The following LINGO1 variants were observed in gnomAD, a reference collection of about 807,000 sequenced individuals.
LINGO1 encodes leucine rich repeat and Ig domain containing 1, also known as leucine-rich repeat and immunoglobulin-like domain-containing nogo receptor-interacting protein 1.
LINGO1 carries 11 observed loss-of-function variants against 37.3 expected under a neutral mutation model. The observed-to-expected ratio is 0.29, with a 90% CI of 0.19 to 0.49. The LOEUF is 0.49. LINGO1 is among the 20% of genes least tolerant of loss of function. The pLI is 0.99. For synonymous variants in LINGO1, 387 were observed against 403.0 expected (o/e 0.96, Z 0.48); for missense variants, 585 against 878.2 (o/e 0.67, Z 4.22).
intron 1 of LINGO1, among the ~76,000 whole-genome samples, chr15:77,762,247 G>A (rs1335400922): frequency 6.6e-6 from 1 of 152,194 alleles, no homozygotes; most frequent in Non-Finnish European, 1.5e-5. Context: ...CAGTCTTTCA[G>A]GCTCCTGGCT....
chr15:77,681,468 G>A lies in LINGO1; in HGVS notation c.-98-4294C>T, dbSNP rs566121387. On this transcript the variant is annotated intron_variant, in intron 2 of 3. Coordinates refer to the LINGO1 transcript ENST00000559893. ...GAGCATCTCACTCAGGGAGGAAGGGGTTGTAGGTTTCGACTCTATGGTCTA... is the reference window on the plus strand; with the variant it reads ...GAGCATCTCACTCAGGGAGGAAGGGATTGTAGGTTTCGACTCTATGGTCTA... Among the ~76,000 whole-genome samples, 3 of 152,264 alleles carry A rather than the reference G, an allele frequency of 2.0e-5. No homozygotes were observed. In the South Asian group the frequency reaches 6.2e-4, roughly 32 times the overall value.
intron 1 of LINGO1, among the ~76,000 whole-genome samples, chr15:77,738,322 GACT>G (rs2076222921): frequency 6.6e-6 from 1 of 152,144 alleles, no homozygotes; most frequent in South Asian, 2.1e-4. Flanking sequence ...CCATGGTACA[GACT>G]GAAGTCCAAA....
chr15:77,713,464 AGAG>A (rs773646094), intron 2 of LINGO1, among the ~76,000 whole-genome samples: 2 of 151,742 alleles, frequency 1.3e-5, no homozygotes, highest in African/African-American at 2.4e-5. Flanking sequence ...ACAAAATTAC[AGAG>A]GAGGACAAAT....
chr15:77,748,502 G>A (rs1784502994), intron 1 of LINGO1, among the ~76,000 whole-genome samples: 1 of 152,164 alleles, frequency 6.6e-6, no homozygotes, highest in South Asian at 2.1e-4. Context: ...CTCTGGGCGT[G>A]GCCAACCCCT....
At position 77,620,594 on chromosome 15, in the gene LINGO1, G is replaced by A. The variant is rs140344076; in HGVS notation, c.7-4694C>T. Among the ~76,000 whole-genome samples, 886 of 152,364 alleles carry A rather than the reference G, an allele frequency of 5.8e-3. 7 individuals carry two copies. Among genetic ancestry groups the A allele is most frequent in the Middle Eastern group, 0.024 (7 of 294 alleles). ...GCCCTCTCTGGCCTGCACAGTAAGG[G>A]CTCCACTTCAGTGTCCCTGAGGGTG... On this transcript the variant is annotated intron_variant, in intron 1 of 1. Transcript: ENST00000355300.
intron 3 of LINGO1, among the ~76,000 whole-genome samples, chr15:77,646,910 A>G (rs1163449368): frequency 2.0e-5 from 3 of 152,164 alleles, no homozygotes; most frequent in African/African-American, 7.2e-5. Context: ...TACTCATTTC[A>G]TACTCTCAAT....
chr15:77,784,195 C>A lies in LINGO1; in HGVS notation c.-257+2674G>T, dbSNP rs1030003640. On this transcript the variant is annotated intron_variant, in intron 1 of 3. Coordinates refer to the LINGO1 transcript ENST00000561686. ...GAGGTCCCAAAAGGAAGAGTTGGTT[C>A]GCATAGCAGAAGAGGAAGAATTGGC... 7.2e-5 allele frequency among the ~76,000 whole-genome samples: 11 copies of A among 152,356 alleles called. No individual in the cohort carries two copies. In the South Asian group the frequency reaches 2.3e-3, roughly 32 times the overall value.
intron 1 of LINGO1, among the ~76,000 whole-genome samples, chr15:77,624,758 G>C (rs74025324): frequency 0.17 from 26,479 of 151,788 alleles, 4,924 homozygotes; most frequent in African/African-American, 0.47. Flanking sequence ...GGCCCTTCCT[G>C]CCCCTTGCAC....
chr15:77,769,141 C>T (rs937520960), intron 1 of LINGO1, among the ~76,000 whole-genome samples: 23 of 152,230 alleles, frequency 1.5e-4, no homozygotes, highest in Non-Finnish European at 2.5e-4. Flanking sequence ...CTCAGGGCCA[C>T]AGAGCCACAG....
chr15:77,775,376 G>A (rs1287970999), intron 1 of LINGO1, among the ~76,000 whole-genome samples: 1 of 152,186 alleles, frequency 6.6e-6, no homozygotes, highest in African/African-American at 2.4e-5. Flanking sequence ...GACAGCAAGT[G>A]CAGCCCCTGA....
intron 2 of LINGO1, among the ~76,000 whole-genome samples, chr15:77,723,417 G>A (rs1016557099): frequency 6.6e-5 from 10 of 152,170 alleles, no homozygotes; most frequent in Non-Finnish European, 1.3e-4. Flanking sequence ...GGATGAAGGC[G>A]GTGGATAATT....
upstream of LINGO1, chr15:77,788,600 T>A (rs1304383071): frequency 6.6e-6 from 1 of 152,262 alleles, no homozygotes; most frequent in African/African-American, 2.4e-5. Flanking sequence ...TCTGTGTCCC[T>A]GGAGACAGCA....
At chr15:77,700,889 G>A (rs559592605), upstream of LINGO1, among the ~76,000 whole-genome samples, 1 of 152,268 alleles carries the variant, frequency 6.6e-6, no homozygotes, top group African/African-American at 2.4e-5. Context: ...GTCTTCCACA[G>A]GACAACCTCA....
chr15:77,662,455 T>C (rs1169222278), intron 3 of LINGO1, among the ~76,000 whole-genome samples: 10 of 152,054 alleles, frequency 6.6e-5, no homozygotes, highest in Non-Finnish European at 1.5e-5. Context: ...CAGCCCCAAC[T>C]GAGAACATGA....
At chr15:77,706,246 T>C (rs981675368) in intron 2 of LINGO1, among the ~76,000 whole-genome samples, 6 of 152,050 alleles carry the variant, frequency 3.9e-5, no homozygotes, top group Non-Finnish European at 7.4e-5. Flanking sequence ...CGCCTCCCTG[T>C]GATATCCCCA....
At chr15:77,710,284 T>C (rs1274472492) in intron 2 of LINGO1, among the ~76,000 whole-genome samples, 4 of 152,182 alleles carry the variant, frequency 2.6e-5, no homozygotes, top group Non-Finnish European at 5.9e-5. Context: ...ATGGCCAAGC[T>C]TGCCAGCCCA....
intron 2 of LINGO1, among the ~76,000 whole-genome samples, chr15:77,702,032 G>A (rs1019050013): frequency 3.3e-5 from 5 of 152,152 alleles, no homozygotes; most frequent in Non-Finnish European, 7.3e-5. Flanking sequence ...GGGTGTCAGG[G>A]AGGCCCAAGA....
chr15:77,653,800 G>C (rs1481565528), intron 3 of LINGO1, among the ~76,000 whole-genome samples: 1 of 147,372 alleles, frequency 6.8e-6, no homozygotes, highest in East Asian at 2.0e-4. Context: ...AGAGGGGTTG[G>C]ATCTCTTTGG....
rs112112009 is a variant in LINGO1 at position 77,777,465 on chromosome 15, GCACACACACACA to G, written c.-257+9392_-257+9403del. 9.4e-3 allele frequency among the ~76,000 whole-genome samples: 1,321 copies of G among 140,092 alleles called. 24 individuals carry two copies. The highest frequency in any genetic ancestry group is 0.035 in the African/African-American group (1,235 of 35,778). The allele number at this position is 140,092 out of a possible 152,430, so 91.9% of individuals were successfully genotyped here. On this transcript the variant is annotated intron_variant, in intron 1 of 3. Transcript: ENST00000561686. Reference sequence around the variant, plus strand: ...ACAGATTTTGGACATATACACACACGCACACACACACACACACACACACACACACACACACAC... The same window carrying G: ...ACAGATTTTGGACATATACACACACGCACACACACACACACACACACACAC...
Sources: gnomAD v4.1 joint callset for allele counts (sites outside exome capture counted in the v4.1 genomes callset) on GRCh38, gnomAD v4.1.1 for gene constraint, MANE v1.5 for transcripts, NCBI Gene and HGNC (gene_info 2026-07-23, HGNC 2026-07-21) for gene names.